SPAG16: variants seen among roughly 807,000 people sequenced by gnomAD.
SPAG16 encodes sperm-associated antigen 16 protein.
Under a neutral mutation model 80.4 loss-of-function variants are expected in SPAG16, and 86 were observed. That is an observed-to-expected ratio of 1.07 (90% CI 0.90 to 1.28). SPAG16 has a LOEUF of 1.28. SPAG16 is among the 50% of genes most tolerant of loss of function. The pLI is 0.00. For synonymous variants in SPAG16, 294 were observed against 265.9 expected (o/e 1.11, Z -1.03); for missense variants, 870 against 765.3 (o/e 1.14, Z -1.61).
intron 15 of SPAG16, among the ~76,000 whole-genome samples, chr2:214,284,085 A>G (rs755074925): frequency 6.6e-6 from 1 of 152,198 alleles, no homozygotes; most frequent in African/African-American, 2.4e-5. Context: ...TACATTCTTA[A>G]GTAGAGATTT....
At chr2:213,647,133 A>G (rs1352063238) in intron 10 of SPAG16, among the ~76,000 whole-genome samples, 2 of 152,220 alleles carry the variant, frequency 1.3e-5, no homozygotes, top group African/African-American at 2.4e-5. Flanking sequence ...GTGAAGGAAG[A>G]GAAAATAAAT....
intron 1 of SPAG16, chr2:213,285,983 T>TG (rs2062042883): frequency 1.8e-6 from 2 of 1,139,742 alleles, no homozygotes; most frequent in Non-Finnish European, 2.3e-6. Context: ...AGTTTAATTG[T>TG]TAACATGAGA....
At chr2:213,620,285 T>G (rs2061729289) in intron 10 of SPAG16, among the ~76,000 whole-genome samples, 2 of 71,194 alleles carry the variant, frequency 2.8e-5, no homozygotes, top group Non-Finnish European at 6.5e-5. Context: ...TATTGAGTTT[T>G]TTTTTTTTTT....
At chr2:214,260,305 A>T (rs543856813) in intron 15 of SPAG16, among the ~76,000 whole-genome samples, 1 of 152,238 alleles carries the variant, frequency 6.6e-6, no homozygotes, top group Non-Finnish European at 1.5e-5. Context: ...TGTTCCCCCA[A>T]AAACTATTGA....
chr2:213,932,183 TA>T (rs1559602575), intron 12 of SPAG16, among the ~76,000 whole-genome samples: 1 of 25,624 alleles, frequency 3.9e-5, no homozygotes, highest in African/African-American at 6.7e-5. Flanking sequence ...TATATATATA[TA>T]TATATATATA....
At chr2:213,404,589 T>TA (rs558454100) in intron 9 of SPAG16, among the ~76,000 whole-genome samples, 1,979 of 152,202 alleles carry the variant, frequency 0.013, 41 homozygotes, top group African/African-American at 0.044. Context: ...ATGTTAGACC[T>TA]AAAACCATAA....
At chr2:213,562,800 G>C (rs1473461668) in intron 10 of SPAG16, among the ~76,000 whole-genome samples, 1 of 151,830 alleles carries the variant, frequency 6.6e-6, no homozygotes, top group Non-Finnish European at 1.5e-5. Flanking sequence ...TGGTGGAAGG[G>C]ACAGATTTGA....
chr2:214,131,502 A>T (rs1309576231), intron 14 of SPAG16, among the ~76,000 whole-genome samples: 1 of 152,200 alleles, frequency 6.6e-6, no homozygotes, highest in Non-Finnish European at 1.5e-5. Context: ...TTTACACAAA[A>T]ACCTCCACAT....
At chr2:214,189,373 CT>C (rs2057585054) in intron 15 of SPAG16, among the ~76,000 whole-genome samples, 1 of 151,202 alleles carries the variant, frequency 6.6e-6, no homozygotes, top group South Asian at 2.1e-4. Flanking sequence ...CTGAATGCAT[CT>C]TATTTTTCAT....
At chr2:213,981,612 G>C (rs944602720) in intron 12 of SPAG16, among the ~76,000 whole-genome samples, 13 of 152,034 alleles carry the variant, frequency 8.6e-5, no homozygotes, top group Admixed American at 3.9e-4. Context: ...AATGAAAATA[G>C]CGTACCTATA....
intron 3 of SPAG16, among the ~76,000 whole-genome samples, chr2:213,306,472 A>T (rs1447630322): frequency 2.6e-4 from 14 of 53,312 alleles, no homozygotes; most frequent in Non-Finnish European, 1.2e-4. Context: ...TCACTAAGTC[A>T]TGTGCTCCTA....
At chr2:213,993,382 A>G (rs1196873580) in intron 12 of SPAG16, among the ~76,000 whole-genome samples, 1 of 152,192 alleles carries the variant, frequency 6.6e-6, no homozygotes. Context: ...TTTCAACAGG[A>G]CTGCTGTCAA....
chr2:213,954,821 T>C (rs781308921), intron 12 of SPAG16, among the ~76,000 whole-genome samples: 7 of 152,202 alleles, frequency 4.6e-5, no homozygotes, highest in Non-Finnish European at 1.0e-4. Context: ...CTTGTTATTA[T>C]CTAGTTTTAA....
At chr2:213,947,037 C>A (rs927711623) in intron 12 of SPAG16, among the ~76,000 whole-genome samples, 1 of 151,848 alleles carries the variant, frequency 6.6e-6, no homozygotes, top group African/African-American at 2.4e-5. Flanking sequence ...TAGTTCCTTC[C>A]TTTTTATTGC....
intron 10 of SPAG16, among the ~76,000 whole-genome samples, chr2:213,705,671 T>A (rs1028099423): frequency 6.6e-6 from 1 of 152,202 alleles, no homozygotes; most frequent in African/African-American, 2.4e-5. Context: ...CCCCTAATTT[T>A]CCAATTTACT....
chr2:213,464,843 G>A lies in SPAG16; in HGVS notation c.943-25120G>A, dbSNP rs575838134. Among the ~76,000 whole-genome samples, 8 of 152,312 alleles carry A rather than the reference G, an allele frequency of 5.3e-5. No homozygotes were observed. In the South Asian group the frequency reaches 1.2e-3, roughly 24 times the overall value. On this transcript the variant is annotated intron_variant, in intron 9 of 15. Transcript: ENST00000331683. ...GATTTTAAGAACTTTCCATTGGCTGGAATTTGGTAGATGAAGTTTGCCATC... is the reference window on the plus strand; with the variant it reads ...GATTTTAAGAACTTTCCATTGGCTGAAATTTGGTAGATGAAGTTTGCCATC...
intron 9 of SPAG16, among the ~76,000 whole-genome samples, chr2:213,477,481 A>G (rs929257658): frequency 6.6e-6 from 1 of 152,244 alleles, no homozygotes; most frequent in African/African-American, 2.4e-5. Flanking sequence ...GCCCAAGGCC[A>G]TGGGAGCCCA....
intron 15 of SPAG16, among the ~76,000 whole-genome samples, chr2:214,362,656 T>G (rs1232488691): frequency 1.3e-5 from 2 of 151,886 alleles, no homozygotes; most frequent in Non-Finnish European, 2.9e-5. Context: ...CAATTACTAT[T>G]TAATGAGACA....
chr2:214,184,561 A>AT (rs1396800380), intron 15 of SPAG16, among the ~76,000 whole-genome samples: 1 of 152,064 alleles, frequency 6.6e-6, no homozygotes, highest in Non-Finnish European at 1.5e-5. Flanking sequence ...GAGGCTAACT[A>AT]TTGCTTGAAT....
Sources: gnomAD v4.1 joint callset for allele counts (sites outside exome capture counted in the v4.1 genomes callset) on GRCh38, gnomAD v4.1.1 for gene constraint, MANE v1.5 for transcripts, NCBI Gene and HGNC (gene_info 2026-07-23, HGNC 2026-07-21) for gene names.